RGS8: variants seen among roughly 807,000 people sequenced by gnomAD.
RGS8 encodes the protein regulator of G-protein signaling 8.
A neutral mutation model predicts 21.7 loss-of-function variants in RGS8; 8 were observed. That is an observed-to-expected ratio of 0.37 (90% CI 0.22 to 0.66). RGS8 has a LOEUF of 0.66. Among genes scored for constraint, RGS8 ranks in the 30% least tolerant of loss-of-function variants. The pLI, the probability that RGS8 is intolerant of heterozygous loss-of-function variation, is 0.59. For missense variants in RGS8, 157 were observed against 217.9 expected (o/e 0.72, Z 1.76); for synonymous variants, 80 against 83.6 (o/e 0.96, Z 0.24).
the RGS8 span, among the ~76,000 whole-genome samples, chr1:182,701,080 A>G: frequency 6.6e-6 from 1 of 152,242 alleles, no homozygotes; most frequent in African/African-American, 2.4e-5. Context: ...CAAATGTGAC[A>G]TTTAGGTCCT....
chr1:182,677,667 C>T (rs1386548498), upstream of RGS8, among the ~76,000 whole-genome samples: 2 of 152,216 alleles, frequency 1.3e-5, no homozygotes, highest in African/African-American at 4.8e-5. Flanking sequence ...TTTTGTTCCT[C>T]TTGAGCATTC....
chr1:182,742,485 T>G, the RGS8 span, among the ~76,000 whole-genome samples: 1 of 151,902 alleles, frequency 6.6e-6, no homozygotes, highest in African/African-American at 2.4e-5. Flanking sequence ...GTCTGCAATC[T>G]CGGCACCTCG....
intron 1 of RGS8, among the ~76,000 whole-genome samples, chr1:182,681,252 G>GA (rs904220669): frequency 2.5e-4 from 38 of 152,226 alleles, no homozygotes; most frequent in African/African-American, 9.1e-4. Flanking sequence ...AGGCAAGCAT[G>GA]AAACCCTGTC....
At chr1:182,648,397 C>A in intron 5 of RGS8, 94 bp from the exon 7 acceptor site, 1 of 1,325,340 alleles carries the variant, frequency 7.5e-7, no homozygotes, top group Non-Finnish European at 1.0e-6. Flanking sequence ...TGTGAGGGTG[C>A]CCCTAATTGT....
rs1758781 is a variant in RGS8 at position 182,653,352 on chromosome 1, C to G, written c.194-5049G>C. Reference sequence around the variant, plus strand: ...AAAGTAGAGAAATAAGACAGCATAGCTGGAAGGAAACATGAAGCGAGGAAA... The same window carrying G: ...AAAGTAGAGAAATAAGACAGCATAGGTGGAAGGAAACATGAAGCGAGGAAA... On this transcript the variant is annotated intron_variant, in intron 5 of 6. Coordinates refer to ENST00000483095, the Ensembl canonical transcript of RGS8. Among the ~76,000 whole-genome samples the G allele has an allele frequency of 6.0e-3, 916 of 151,418 alleles. 9 individuals are homozygous for G. The highest frequency in any genetic ancestry group is 0.017 in the Middle Eastern group (5 of 294).
chr1:182,737,446 A>G, the RGS8 span, among the ~76,000 whole-genome samples: 6 of 152,178 alleles, frequency 3.9e-5, no homozygotes, highest in African/African-American at 1.2e-4. Flanking sequence ...GAGGGACCCA[A>G]TAGGAGGTAG....
the RGS8 span, among the ~76,000 whole-genome samples, chr1:182,726,358 A>T: frequency 2.0e-5 from 3 of 152,002 alleles, no homozygotes; most frequent in African/African-American, 7.3e-5. Flanking sequence ...CCCAGTCTCA[A>T]TCTCCATGCT....
exon 6 of RGS8, chr1:182,648,156 T>C (rs1281084686): frequency 1.2e-6 from 2 of 1,611,278 alleles, no homozygotes; most frequent in Non-Finnish European, 1.7e-6. Flanking sequence ...AGCCTGCACA[T>C]CCACAAACTC....
exon 3 of RGS8, chr1:182,669,720 G>A (rs1295941835): frequency 1.9e-6 from 3 of 1,610,296 alleles, no homozygotes; most frequent in East Asian, 4.5e-5. Context: ...AAGACTGCGG[G>A]GCTCAGGAAT....
At chr1:182,672,553 GC>G (rs1664217942), upstream of RGS8, among the ~76,000 whole-genome samples, 1 of 151,822 alleles carries the variant, frequency 6.6e-6, no homozygotes, top group Admixed American at 6.6e-5. Context: ...CCTAACCAGT[GC>G]CAACCACACC....
the RGS8 span, among the ~76,000 whole-genome samples, chr1:182,718,986 C>T: frequency 6.6e-6 from 1 of 152,190 alleles, no homozygotes; most frequent in Non-Finnish European, 1.5e-5. Context: ...CACCTTTTTC[C>T]CAAATAACAG....
the RGS8 span, chr1:182,733,821 T>C: frequency 1.3e-5 from 2 of 152,166 alleles, no homozygotes; most frequent in African/African-American, 4.8e-5. Context: ...CTGAAGCCAA[T>C]AGTATTCTGT....
At chr1:182,737,403 G>A in the RGS8 span, among the ~76,000 whole-genome samples, 1 of 151,886 alleles carries the variant, frequency 6.6e-6, no homozygotes, top group African/African-American at 2.4e-5. Context: ...ATCTCATCTC[G>A]AACTGTAGCT....
At chr1:182,721,449 T>C in the RGS8 span, among the ~76,000 whole-genome samples, 1 of 152,200 alleles carries the variant, frequency 6.6e-6, no homozygotes, top group Non-Finnish European at 1.5e-5. Flanking sequence ...GGGTATGCTT[T>C]GTTCTCGGCA....
chr1:182,654,658 A>G (rs1167540074), intron 5 of RGS8, among the ~76,000 whole-genome samples: 1 of 152,228 alleles, frequency 6.6e-6, no homozygotes, highest in East Asian at 1.9e-4. Flanking sequence ...GGGAACTCTA[A>G]GAGTGGGAAG....
intron 1 of RGS8, among the ~76,000 whole-genome samples, chr1:182,682,124 G>A (rs1044068372): frequency 6.6e-6 from 1 of 152,160 alleles, no homozygotes; most frequent in East Asian, 1.9e-4. Context: ...GAATAGACAG[G>A]AAAATTGTTC....
At chr1:182,642,503 GAGA>G (rs1662511916), downstream of RGS8, 1 of 152,354 alleles carries the variant, frequency 6.6e-6, no homozygotes, top group African/African-American at 2.4e-5. Context: ...CTGATCCACG[GAGA>G]AGTAGACACC....
At chr1:182,722,449 A>T in the RGS8 span, among the ~76,000 whole-genome samples, 1 of 151,310 alleles carries the variant, frequency 6.6e-6, no homozygotes. Flanking sequence ...GAAGCCTGCA[A>T]CCAAGGTGTC....
At chr1:182,681,745 A>T (rs960684895) in intron 1 of RGS8, among the ~76,000 whole-genome samples, 1 of 152,196 alleles carries the variant, frequency 6.6e-6, no homozygotes, top group African/African-American at 2.4e-5. Flanking sequence ...GGGAGGAGGG[A>T]CGAGGGCTGT....
Sources: gnomAD v4.1 joint callset for allele counts (sites outside exome capture counted in the v4.1 genomes callset) on GRCh38, gnomAD v4.1.1 for gene constraint, MANE v1.5 for transcripts, NCBI Gene and HGNC (gene_info 2026-07-23, HGNC 2026-07-21) for gene names.